The following KIFC3 variants were observed in gnomAD, a reference collection of about 807,000 sequenced individuals.
KIFC3 encodes the protein kinesin family member C3, also known as kinesin-like protein KIFC3.
In KIFC3, 60 loss-of-function variants were observed where a neutral mutation model predicts 101.8. The ratio of observed to expected loss-of-function variants is 0.59; its 90% CI spans 0.48 to 0.73. KIFC3 has a LOEUF of 0.73. Among genes scored for constraint, KIFC3 ranks in the 30% least tolerant of loss-of-function variants. The pLI is 0.00. For missense variants in KIFC3, 966 were observed against 1,137.1 expected (o/e 0.85, Z 2.16); for synonymous variants, 476 against 482.7 (o/e 0.99, Z 0.18).
At chr16:57,782,823 G>A (rs188946517) in intron 3 of KIFC3, among the ~76,000 whole-genome samples, 64 of 152,364 alleles carry the variant, frequency 4.2e-4, no homozygotes, top group Non-Finnish European at 1.9e-4. Flanking sequence ...GTGAATGCCT[G>A]TAATCCTAGC....
At chr16:57,788,816 G>T in intron 3 of KIFC3, 1 of 1,129,348 alleles carries the variant, frequency 8.9e-7, no homozygotes, top group South Asian at 1.4e-5. Context: ...GGATCCCAGG[G>T]CCCAGCGGGT....
In KIFC3 at chr16:57,847,803, T is replaced by A. The variant is rs796560672; in HGVS notation, c.108+14926A>T. Among the ~76,000 whole-genome samples, 935 of 143,906 alleles carry A rather than the reference T, an allele frequency of 6.5e-3. 12 individuals are homozygous for A. Among genetic ancestry groups the A allele is most frequent in the African/African-American group, 0.022 (834 of 38,674 alleles). The allele number at this position is 143,906 out of a possible 152,430, so 94.4% of individuals were successfully genotyped here. A position where few individuals can be genotyped will look rare whatever the true frequency, so the allele number is the denominator to read the frequency against. On this transcript the variant is annotated intron_variant, in intron 1 of 2. Transcript: ENST00000563028. ...GTGTGTGTGTGTGTGTGTGTGTGTGTGAGACCGAGTCTCACTCTGTTGCCC... is the reference window on the plus strand; with the variant it reads ...GTGTGTGTGTGTGTGTGTGTGTGTGAGAGACCGAGTCTCACTCTGTTGCCC...
intron 1 of KIFC3, among the ~76,000 whole-genome samples, chr16:57,819,839 G>A (rs1216820522): frequency 5.3e-5 from 8 of 151,406 alleles, no homozygotes; most frequent in Admixed American, 2.0e-4. Flanking sequence ...GATTACAGGC[G>A]TGAGCCACCG....
At chr16:57,862,313 C>G (rs1192071241) in intron 1 of KIFC3, among the ~76,000 whole-genome samples, 1 of 151,650 alleles carries the variant, frequency 6.6e-6, no homozygotes. Context: ...TGTGAGCCAC[C>G]TTGCCTGGCT....
intron 1 of KIFC3, among the ~76,000 whole-genome samples, chr16:57,819,754 C>T (rs7499947): frequency 0.53 from 80,405 of 151,836 alleles, 23,593 homozygotes; most frequent in African/African-American, 0.79. Context: ...AGAGACAGGG[C>T]TTCACCATGT....
chr16:57,782,859 T>A (rs1322893825), intron 3 of KIFC3, among the ~76,000 whole-genome samples: 4 of 152,164 alleles, frequency 2.6e-5, no homozygotes, highest in African/African-American at 9.7e-5. Flanking sequence ...AGTAGGAGAA[T>A]CGATTGAACC....
chr16:57,848,468 A>C (rs2055983560), intron 1 of KIFC3, among the ~76,000 whole-genome samples: 1 of 152,114 alleles, frequency 6.6e-6, no homozygotes, highest in Non-Finnish European at 1.5e-5. Context: ...CTCTACAAAA[A>C]ATTCTAAAAA....
At chr16:57,766,108 C>T (rs1198689027) in intron 10 of KIFC3, among the ~76,000 whole-genome samples, 1 of 152,194 alleles carries the variant, frequency 6.6e-6, no homozygotes, top group Non-Finnish European at 1.5e-5. Context: ...TCTGAGGGCC[C>T]AGATAGTGGG....
At chr16:57,812,758 C>G (rs1346017876) in intron 1 of KIFC3, among the ~76,000 whole-genome samples, 2 of 152,210 alleles carry the variant, frequency 1.3e-5, no homozygotes, top group South Asian at 4.1e-4. Context: ...CCGGGCTGGC[C>G]AGGGCGCTCT....
chr16:57,774,455 C>T (rs1555610646), intron 3 of KIFC3, among the ~76,000 whole-genome samples: 1 of 152,058 alleles, frequency 6.6e-6, no homozygotes, highest in African/African-American at 2.4e-5. Context: ...ATTAAGTGTA[C>T]AGCACTAAAA....
At chr16:57,803,059 C>G, upstream of KIFC3, 1 of 1,535,618 alleles carries the variant, frequency 6.5e-7, no homozygotes, top group Admixed American at 2.0e-5. Flanking sequence ...GCTCCACCAC[C>G]TACTCGCTGG....
intron 1 of KIFC3, chr16:57,816,471 C>T (rs377752457): frequency 4.4e-6 from 2 of 458,580 alleles, no homozygotes; most frequent in Admixed American, 2.3e-5. Flanking sequence ...TCAGAGCTGC[C>T]GAAGTGACTC....
chr16:57,786,862 T>C (rs2053381581), intron 3 of KIFC3, among the ~76,000 whole-genome samples: 1 of 151,996 alleles, frequency 6.6e-6, no homozygotes, highest in Non-Finnish European at 1.5e-5. Flanking sequence ...CGGGGACATC[T>C]CAGCACAGCC....
intron 3 of KIFC3, among the ~76,000 whole-genome samples, chr16:57,780,667 A>ATTTTTTTT (rs1191334568): frequency 1.3e-4 from 9 of 69,956 alleles, no homozygotes; most frequent in Non-Finnish European, 1.7e-4. Context: ...CTGAAGACAA[A>ATTTTTTTT]TTTTTTTTTT....
At chr16:57,762,049 G>C in intron 13 of KIFC3, 91 bp downstream of exon 13, 3 of 1,447,164 alleles carry the variant, frequency 2.1e-6, no homozygotes, top group Non-Finnish European at 2.8e-6. Flanking sequence ...CCACATACTG[G>C]GGGTCCCACC....
chr16:57,773,007 AC>A (rs2051478792), intron 3 of KIFC3, among the ~76,000 whole-genome samples: 1 of 151,898 alleles, frequency 6.6e-6, no homozygotes, highest in African/African-American at 2.4e-5. Flanking sequence ...CAGGGGAGCA[AC>A]CCTTCCCCGG....
intron 13 of KIFC3, 66 bp from the exon 14 acceptor site, chr16:57,761,602 G>T: frequency 6.4e-7 from 1 of 1,563,638 alleles, no homozygotes; most frequent in Non-Finnish European, 8.7e-7. Context: ...ACTGCACCCA[G>T]CCCCCCAGCC....
Position 57,758,762 on chromosome 16 carries a change from C to CTT in KIFC3, c.*170_*171dup, listed in dbSNP as rs1467736788. On this transcript the variant is annotated 3_prime_UTR_variant, in exon 20 of 20. Transcript: ENST00000445690. ...GTTTCCTTCTGAACATGTTTCTCATCTTTGAGGGGAGACGGGGCAGAAGAA... is the reference window on the plus strand; with the variant it reads ...GTTTCCTTCTGAACATGTTTCTCATCTTTTTGAGGGGAGACGGGGCAGAAGAA... 2 of 1,055,026 alleles carry CTT rather than the reference C, an allele frequency of 1.9e-6. No homozygotes were observed. The highest frequency in any genetic ancestry group is 2.4e-5 in the East Asian group (1 of 42,358). 65.4% of individuals were successfully genotyped at this position (1,055,026 alleles called of 1,614,324 possible). A position where few individuals can be genotyped will look rare whatever the true frequency, so the allele number is the denominator to read the frequency against.
intron 16 of KIFC3, 83 bp from the exon 17 acceptor site, chr16:57,760,499 G>T: frequency 6.6e-7 from 1 of 1,503,880 alleles, no homozygotes; most frequent in Non-Finnish European, 9.1e-7. Flanking sequence ...AGCTGGGGCC[G>T]TCAGAAGGCT....
Sources: allele counts gnomAD v4.1 joint callset (sites outside exome capture counted in the v4.1 genomes callset), GRCh38; gene constraint gnomAD v4.1.1; transcripts MANE v1.5; gene names NCBI Gene and HGNC (gene_info 2026-07-23, HGNC 2026-07-21).